BDP1: variants seen among roughly 807,000 people sequenced by gnomAD.
The protein encoded by BDP1 is transcription factor TFIIIB component B'' homolog.
In BDP1, 169 loss-of-function variants were observed where a neutral mutation model predicts 266.6. The observed-to-expected ratio is 0.63, with a 90% CI of 0.56 to 0.72. The LOEUF (loss-of-function observed/expected upper bound fraction) is 0.72. Ranked by LOEUF, BDP1 falls within the 30% of genes least tolerant of loss-of-function variation. The pLI is 0.00. For missense variants in BDP1, 3,015 were observed against 3,053.8 expected (o/e 0.99, Z 0.30); for synonymous variants, 1,090 against 1,022.4 (o/e 1.07, Z -1.26).
intron 35 of BDP1, among the ~76,000 whole-genome samples, chr5:71,556,568 C>T (rs1561788872): frequency 6.6e-6 from 1 of 152,100 alleles, no homozygotes; most frequent in Non-Finnish European, 1.5e-5. Flanking sequence ...GTCAGATCAT[C>T]TTTGCATTCC....
intron 7 of BDP1, among the ~76,000 whole-genome samples, chr5:71,481,527 A>G (rs542277913): frequency 5.3e-5 from 8 of 151,896 alleles, no homozygotes. Flanking sequence ...ACTGCATTCC[A>G]GTCTGGAAGA....
intron 30 of BDP1, 30 bp from the exon 31 acceptor site, chr5:71,544,327 T>G: frequency 6.3e-7 from 1 of 1,593,124 alleles, no homozygotes; most frequent in Non-Finnish European, 8.5e-7. Context: ...ATTATTTTGG[T>G]CTATATCGTA....
intron 25 of BDP1, among the ~76,000 whole-genome samples, chr5:71,531,088 G>A (rs992628000): frequency 3.3e-5 from 5 of 151,868 alleles, no homozygotes; most frequent in Non-Finnish European, 5.9e-5. Context: ...AAAAAATAAC[G>A]TATGTCTTGA....
Position 71,516,101 on chromosome 5 carries a change from A to C in BDP1, c.4690A>C (p.Ser1564Arg), listed in dbSNP as rs193027558. ...VNTFQQEMKE[S>R]VIQTARQVRG... ...CACTTTCCAGCAAGAAATGAAGGAA[A>C]GTGTTATCCAAACTGCTCGACAAGT... is the stretch of plus-strand genomic sequence containing the variant. The change falls in exon 21 of 39, where the codon AGT becomes CGT. Residue 1564 changes from serine to arginine, a missense_variant. Ser to Arg is a moderately radical substitution (Grantham distance 110, BLOSUM62 -1). Transcript: ENST00000358731. The C allele has an allele frequency of 1.2e-5, 20 of 1,611,244 alleles. No homozygotes were observed. In the African/African-American group the frequency reaches 1.7e-4, roughly 14 times the overall value.
In BDP1 at chr5:71,511,246, C is replaced by T. The variant is rs421128; in HGVS notation, c.4059+95C>T. 0.33 allele frequency: 403,812 copies of T among 1,213,152 alleles called. 71,420 individuals carry two copies. The highest frequency in any genetic ancestry group is 0.54 in the Admixed American group (22,488 of 41,678). 75.1% of individuals were successfully genotyped at this position (1,213,152 alleles called of 1,614,324 possible). A position where few individuals can be genotyped will look rare whatever the true frequency, so the allele number is the denominator to read the frequency against. On this transcript the variant is annotated intron_variant, in intron 17 of 38. Transcript: ENST00000358731. The stretch of plus-strand genomic sequence containing the variant: ...TATTTTGTCCTTAAGTCCAACAACA[C>T]TTAAAAATCTCTAAAAGTCTAAAGT...
In BDP1 at chr5:71,556,886, G is replaced by A. The variant is rs750675996; in HGVS notation, c.7201G>A (p.Val2401Met). The change falls in exon 36 of 39, where the codon GTG becomes ATG. Residue 2401 changes from valine (V) to methionine (M), a missense_variant and splice_region_variant. Around this residue, in one of 3 missense-constraint regions of BDP1, gnomAD observed 629 missense variants for 632.5 expected, o/e 0.99. Coordinates refer to ENST00000358731, the MANE Select transcript of BDP1 (RefSeq NM_018429.3). The part of the protein sequence containing the change: ...RDDCQEYTTE[V>M]HSKELTNVFE... ...TTTTTTTTAAATTTTCTTAAAATAGGTGCACTCAAAGGAATTAACAAATGT... is the reference window on the plus strand; with the variant it reads ...TTTTTTTTAAATTTTCTTAAAATAGATGCACTCAAAGGAATTAACAAATGT... 11 of 1,397,114 alleles carry A rather than the reference G, an allele frequency of 7.9e-6. No homozygotes were observed. The highest frequency in any genetic ancestry group is 1.1e-5 in the Non-Finnish European group (11 of 1,040,992). The allele number at this position is 1,397,114 out of a possible 1,614,324, so 86.5% of individuals were successfully genotyped here. A position where few individuals can be genotyped will look rare whatever the true frequency, so the allele number is the denominator to read the frequency against.
In BDP1 at chr5:71,455,825, C is replaced by T. The variant is rs548470637; in HGVS notation, c.-53C>T. The stretch of plus-strand genomic sequence containing the variant: ...TCCCCTTTCCGGGCAGCCGCCGGGG[C>T]TCGGGGCTGTGAGCGGCCGTGAGGC... On this transcript the variant is annotated 5_prime_UTR_variant, in exon 1 of 39. Coordinates refer to ENST00000358731, the MANE Select transcript of BDP1 (RefSeq NM_018429.3). 116 of 1,488,874 alleles carry T rather than the reference C, an allele frequency of 7.8e-5. No homozygotes were observed. In the Middle Eastern group the frequency reaches 1.6e-3, roughly 21 times the overall value. The allele number at this position is 1,488,874 out of a possible 1,614,324, so 92.2% of individuals were successfully genotyped here. A position where few individuals can be genotyped will look rare whatever the true frequency, so the allele number is the denominator to read the frequency against.
In BDP1 at chr5:71,543,474, C is replaced by T. The variant is rs960943827; in HGVS notation, c.6413-883C>T. On this transcript the variant is annotated intron_variant, in intron 30 of 38. Transcript: ENST00000358731. ...AGTTAGCCAGACGTGGTGGCACACA[C>T]CTGTGGTCCCAGCTACTCAGAGGTT... Among the ~76,000 whole-genome samples the T allele has an allele frequency of 4.6e-5, 7 of 152,056 alleles. No individual in the cohort carries two copies. In the East Asian group the frequency reaches 7.7e-4, roughly 17 times the overall value.
At chr5:71,485,959 A>G (rs1477507076) in intron 8 of BDP1, among the ~76,000 whole-genome samples, 1 of 152,232 alleles carries the variant, frequency 6.6e-6, no homozygotes. Context: ...AAATGTTTTC[A>G]TCACTTCACA....
At chr5:71,480,769 G>A (rs1393207213) in intron 7 of BDP1, among the ~76,000 whole-genome samples, 1 of 151,978 alleles carries the variant, frequency 6.6e-6, no homozygotes, top group Non-Finnish European at 1.5e-5. Context: ...TCACCATGTT[G>A]GCTAGGCTGG....
In BDP1 at chr5:71,513,427, A is replaced by C. The variant is rs776401338; in HGVS notation, c.4470+20A>C. On this transcript the variant is annotated intron_variant, in intron 19 of 38. Transcript: ENST00000358731. ...CAACATGTGAGTGTATTTGAGATGG[A>C]AGTTCTGTGTGGGTGTTTTTTTTTT... The C allele has an allele frequency of 1.4e-6, 2 of 1,423,034 alleles. No homozygotes were observed. Among genetic ancestry groups the C allele is most frequent in the Non-Finnish European group, 1.9e-6 (2 of 1,047,800 alleles). The allele number at this position is 1,423,034 out of a possible 1,614,324, so 88.2% of individuals were successfully genotyped here. A position where few individuals can be genotyped will look rare whatever the true frequency, so the allele number is the denominator to read the frequency against.
In BDP1 at chr5:71,566,943, T is replaced by C. The variant is rs1744068580; in HGVS notation, c.*2058T>C. 1 of 152,232 alleles carries C rather than the reference T, an allele frequency of 6.6e-6. No individual in the cohort carries two copies. The allele number at this position is 152,232 out of a possible 1,614,324, so 9.4% of individuals were successfully genotyped here. On this transcript the variant is annotated 3_prime_UTR_variant, in exon 39 of 39. Coordinates refer to ENST00000358731, the MANE Select transcript of BDP1 (RefSeq NM_018429.3). ...AATTATGTCTCAGCACATATAACAG[T>C]AATGCTAATTTATTGAAACTACTGC... is the stretch of plus-strand genomic sequence containing the variant.
rs1212500209 is a variant in BDP1 at position 71,491,051 on chromosome 5, C to G, written c.1560C>G (p.Cys520Trp). 5.6e-6 allele frequency: 9 copies of G among 1,614,030 alleles called. No individual in the cohort carries two copies. Among genetic ancestry groups the G allele is most frequent in the Admixed American group, 3.3e-5 (2 of 60,014 alleles). Residue 520 changes from cysteine (C) to tryptophan (W), a missense_variant, in exon 11 of 39, where the codon TGC becomes TGG. By Grantham distance (215) the Cys-to-Trp change is radical. Coordinates refer to ENST00000358731, the MANE Select transcript of BDP1 (RefSeq NM_018429.3). Reference sequence around the variant, plus strand: ...GCAGTAAGGAGCAGATGCTTTCCTGCACACAAAACATAGATGGCATTGTGG... The same window carrying G: ...GCAGTAAGGAGCAGATGCTTTCCTGGACACAAAACATAGATGGCATTGTGG... ...GECSKEQMLS[C>W]TQNIDGIVGF...
Position 71,455,726 on chromosome 5 carries a change from G to C in BDP1, c.-152G>C. ...GCGGCGGGAGAGAGGAGGAGGCGGC[G>C]GCGGGGCAGTGAAACTACGGTAGCT... On this transcript the variant is annotated 5_prime_UTR_variant, in exon 1 of 39. Coordinates refer to ENST00000358731, the MANE Select transcript of BDP1 (RefSeq NM_018429.3). 1.5e-6 allele frequency: 1 copy of C among 654,936 alleles called. No individual in the cohort carries two copies. 40.6% of individuals were successfully genotyped at this position (654,936 alleles called of 1,614,324 possible). A position where few individuals can be genotyped will look rare whatever the true frequency, so the allele number is the denominator to read the frequency against.
chr5:71,525,382 G>C (rs867256124), intron 25 of BDP1, among the ~76,000 whole-genome samples: 1 of 142,268 alleles, frequency 7.0e-6, no homozygotes, highest in African/African-American at 2.5e-5. Context: ...GCGGCTGGCC[G>C]GGCGGGGGGC....
chr5:71,489,692 T>G lies in BDP1; in HGVS notation c.1492+10T>G, dbSNP rs1275168392. 6.3e-7 allele frequency: 1 copy of G among 1,586,584 alleles called. No homozygotes were observed. The highest frequency in any genetic ancestry group is 8.5e-7 in the Non-Finnish European group (1 of 1,171,538). ...GGAGAAAAACACAAGAGTAAGTTTC[T>G]TACATATTTAAAAAGCCTCTATATT... On this transcript the variant is annotated intron_variant, in intron 10 of 38. Transcript: ENST00000358731.
chr5:71,497,012 A>G (rs984528082), intron 12 of BDP1, among the ~76,000 whole-genome samples: 2 of 152,158 alleles, frequency 1.3e-5, no homozygotes, highest in East Asian at 3.9e-4. Context: ...GTCTATTTTG[A>G]AGTTATTTTC....
At chr5:71,551,075 A>C (rs539476053) in intron 34 of BDP1, among the ~76,000 whole-genome samples, 1 of 149,840 alleles carries the variant, frequency 6.7e-6, no homozygotes, top group East Asian at 2.0e-4. Flanking sequence ...ATTCAGATTT[A>C]TTTTATTATT....
intron 34 of BDP1, among the ~76,000 whole-genome samples, chr5:71,550,766 C>T (rs1468624129): frequency 2.0e-5 from 3 of 152,082 alleles, no homozygotes; most frequent in Admixed American, 6.5e-5. Flanking sequence ...AGTGTAGTGG[C>T]GTGATCTCAG....
Sources: gnomAD v4.1 joint callset for allele counts (sites outside exome capture counted in the v4.1 genomes callset) on GRCh38, gnomAD v4.1.1 for gene constraint, gnomAD v4.1.1 regional missense constraint, MANE v1.5 for transcripts, NCBI Gene and HGNC (gene_info 2026-07-23, HGNC 2026-07-21) for gene names.